TCF7L1: variants seen among roughly 807,000 people sequenced by gnomAD.
TCF7L1 encodes the protein transcription factor 7-like 1.
A neutral mutation model predicts 63.7 loss-of-function variants in TCF7L1; 18 were observed. The observed-to-expected ratio is 0.28, with a 90% CI of 0.20 to 0.42. The LOEUF (loss-of-function observed/expected upper bound fraction) is 0.42, where lower values mean the gene tolerates loss of function less well. Ranked by LOEUF, TCF7L1 falls within the 10% of genes least tolerant of loss-of-function variation. The probability of loss-of-function intolerance (pLI) is 1.00; values close to 1 mark genes in which losing one functional copy is unlikely to be tolerated. For synonymous variants in TCF7L1, 355 were observed against 340.9 expected (o/e 1.04, Z -0.46); for missense variants, 654 against 779.3 (o/e 0.84, Z 1.91).
chr2:85,180,111 C>G (rs1157435003), intron 3 of TCF7L1, among the ~76,000 whole-genome samples: 1 of 151,038 alleles, frequency 6.6e-6, no homozygotes, highest in Non-Finnish European at 1.5e-5. Flanking sequence ...GGGGCACTGG[C>G]TGGGGAGAGG....
intron 3 of TCF7L1, among the ~76,000 whole-genome samples, chr2:85,201,716 A>T (rs568645813): frequency 6.6e-6 from 1 of 152,276 alleles, no homozygotes; most frequent in East Asian, 1.9e-4. Flanking sequence ...TTACATTGCC[A>T]TCAGCAGTGT....
At position 85,278,614 on chromosome 2, in the gene TCF7L1, A is replaced by G. The variant is rs568368559; in HGVS notation, c.442-4881A>G. Among the ~76,000 whole-genome samples the G allele has an allele frequency of 2.0e-5, 3 of 152,376 alleles. No individual in the cohort carries two copies. The East Asian group carries it at 5.8e-4, about 29-fold the overall frequency. On this transcript the variant is annotated intron_variant, in intron 3 of 11. Transcript: ENST00000282111. ...AGAGAAAAATGCAACAACTGCTCCAATGAAAACAATGTAAAAATAGGATTA... is the reference window on the plus strand; with the variant it reads ...AGAGAAAAATGCAACAACTGCTCCAGTGAAAACAATGTAAAAATAGGATTA...
rs562388497 is a variant in TCF7L1 at position 85,247,363 on chromosome 2, C to T, written c.442-36132C>T. Among the ~76,000 whole-genome samples, 4 of 152,290 alleles carry T rather than the reference C, an allele frequency of 2.6e-5. 1 individual carries two copies. Among genetic ancestry groups the T allele is most frequent in the South Asian group, 4.1e-4 (2 of 4,828 alleles). ...CACATTTTACTTTAAACAGTAAATA[C>T]AAGTGTAGGAGGCCAGAAAGCAACA... On this transcript the variant is annotated intron_variant, in intron 3 of 11. Transcript: ENST00000282111.
At chr2:85,275,713 G>A (rs1216057404) in intron 3 of TCF7L1, among the ~76,000 whole-genome samples, 1 of 152,064 alleles carries the variant, frequency 6.6e-6, no homozygotes, top group Non-Finnish European at 1.5e-5. Context: ...GAGCTCAGGA[G>A]TTCGAGACCA....
At chr2:85,195,495 G>T (rs769224828) in intron 3 of TCF7L1, among the ~76,000 whole-genome samples, 1 of 152,108 alleles carries the variant, frequency 6.6e-6, no homozygotes, top group South Asian at 2.1e-4. Flanking sequence ...TATGAAGACC[G>T]ATTTTCTTGC....
intron 3 of TCF7L1, among the ~76,000 whole-genome samples, chr2:85,273,772 GC>G (rs542755373): frequency 1.1e-4 from 16 of 152,278 alleles, no homozygotes; most frequent in Non-Finnish European, 2.1e-4. Flanking sequence ...GTCGGTTATG[GC>G]ACCTCCTGTA....
intron 4 of TCF7L1, among the ~76,000 whole-genome samples, chr2:85,288,277 C>T (rs1288857166): frequency 1.3e-5 from 2 of 152,092 alleles, no homozygotes; most frequent in South Asian, 2.1e-4. Context: ...GTCTGGGGTG[C>T]GGCTGGTATC....
intron 3 of TCF7L1, among the ~76,000 whole-genome samples, chr2:85,188,506 G>C (rs1434622857): frequency 6.6e-6 from 1 of 152,154 alleles, no homozygotes; most frequent in Non-Finnish European, 1.5e-5. Context: ...GTCACATCAA[G>C]AATGGCAAAC....
intron 4 of TCF7L1, among the ~76,000 whole-genome samples, chr2:85,297,986 CT>C (rs1400144488): frequency 6.6e-6 from 1 of 150,924 alleles, no homozygotes; most frequent in African/African-American, 2.4e-5. Flanking sequence ...GAGACAGAGT[CT>C]CCCTCTGTCG....
At chr2:85,172,182 T>C (rs1678560261) in intron 3 of TCF7L1, among the ~76,000 whole-genome samples, 1 of 152,092 alleles carries the variant, frequency 6.6e-6, no homozygotes, top group African/African-American at 2.4e-5. Context: ...ACGTCCAGCT[T>C]GGTATACCAA....
intron 3 of TCF7L1, among the ~76,000 whole-genome samples, chr2:85,154,888 C>G (rs138315854): frequency 0.027 from 4,043 of 152,146 alleles, 87 homozygotes; most frequent in Non-Finnish European, 0.036. Context: ...ACAATTTCAG[C>G]TCACTGCAAC....
intron 3 of TCF7L1, among the ~76,000 whole-genome samples, chr2:85,136,679 C>T (rs1677602470): frequency 6.6e-6 from 1 of 152,188 alleles, no homozygotes; most frequent in Non-Finnish European, 1.5e-5. Context: ...GTTTCTGTGT[C>T]TCTGTGTGCC....
At chr2:85,191,880 C>T (rs1679044046) in intron 3 of TCF7L1, among the ~76,000 whole-genome samples, 1 of 151,970 alleles carries the variant, frequency 6.6e-6, no homozygotes, top group Non-Finnish European at 1.5e-5. Flanking sequence ...TGACCAACTT[C>T]CTACAAAGGG....
chr2:85,157,537 C>T (rs1172239886), intron 3 of TCF7L1, among the ~76,000 whole-genome samples: 3 of 152,194 alleles, frequency 2.0e-5, no homozygotes, highest in Non-Finnish European at 2.9e-5. Context: ...CCATGTGGCA[C>T]CACCTCCCCC....
At chr2:85,176,610 T>C (rs1449862187) in intron 3 of TCF7L1, among the ~76,000 whole-genome samples, 1 of 152,056 alleles carries the variant, frequency 6.6e-6, no homozygotes, top group Non-Finnish European at 1.5e-5. Context: ...CCTAGAAAAA[T>C]AATGCTTTTC....
chr2:85,275,421 GAA>G (rs1208348291), intron 3 of TCF7L1, among the ~76,000 whole-genome samples: 3 of 152,132 alleles, frequency 2.0e-5, no homozygotes, highest in African/African-American at 7.2e-5. Flanking sequence ...ATCCACAAAA[GAA>G]AGAATCATTT....
chr2:85,165,184 G>A (rs1371031887), intron 3 of TCF7L1, among the ~76,000 whole-genome samples: 1 of 152,198 alleles, frequency 6.6e-6, no homozygotes. Context: ...CCTGTAAGTG[G>A]AGATAACTCT....
chr2:85,271,127 T>C (rs1207516711), intron 3 of TCF7L1, among the ~76,000 whole-genome samples: 1 of 152,026 alleles, frequency 6.6e-6, no homozygotes, highest in Non-Finnish European at 1.5e-5. Flanking sequence ...TCCTTTGTTT[T>C]TTTGATTCAG....
At chr2:85,163,994 G>A (rs1678351758) in intron 3 of TCF7L1, among the ~76,000 whole-genome samples, 1 of 152,132 alleles carries the variant, frequency 6.6e-6, no homozygotes, top group African/African-American at 2.4e-5. Context: ...AGATGTACTG[G>A]GGGTTAGGAC....
Sources: gnomAD v4.1 joint callset for allele counts (sites outside exome capture counted in the v4.1 genomes callset) on GRCh38, gnomAD v4.1.1 for gene constraint, MANE v1.5 for transcripts, NCBI Gene and HGNC (gene_info 2026-07-23, HGNC 2026-07-21) for gene names.